The following KIAA1549L variants were observed in gnomAD, a reference collection of about 807,000 sequenced individuals.
The protein encoded by KIAA1549L is UPF0606 protein KIAA1549L.
A neutral mutation model predicts 160.7 loss-of-function variants in KIAA1549L; 88 were observed. That is an observed-to-expected ratio of 0.55 (90% CI 0.46 to 0.65). The LOEUF (loss-of-function observed/expected upper bound fraction) is 0.65. KIAA1549L is among the 30% of genes least tolerant of loss of function. KIAA1549L has a pLI of 0.00. For synonymous variants in KIAA1549L, 950 were observed against 976.7 expected, an observed-to-expected ratio of 0.97 and a Z score of 0.51; for missense variants, 2,258 against 2,437.5, an observed-to-expected ratio of 0.93 and a Z score of 1.55.
At chr11:33,630,609 G>A (rs1431789720) in intron 16 of KIAA1549L, among the ~76,000 whole-genome samples, 5 of 152,348 alleles carry the variant, frequency 3.3e-5, no homozygotes, top group African/African-American at 4.8e-5. Flanking sequence ...TGCGCTTCCC[G>A]AGTGAGGCAA....
At chr11:33,461,770 T>G (rs1851947156) in intron 1 of KIAA1549L, among the ~76,000 whole-genome samples, 1 of 152,216 alleles carries the variant, frequency 6.6e-6, no homozygotes, top group Non-Finnish European at 1.5e-5. Context: ...ACAGCAGCCC[T>G]GGGAGGTGTA....
At chr11:33,653,460 T>C (rs1851953928) in intron 17 of KIAA1549L, among the ~76,000 whole-genome samples, 1 of 152,244 alleles carries the variant, frequency 6.6e-6, no homozygotes, top group Non-Finnish European at 1.5e-5. Flanking sequence ...TTCTGGGTGC[T>C]AACGAGAAGC....
intron 1 of KIAA1549L, among the ~76,000 whole-genome samples, chr11:33,441,227 A>G (rs1454243153): frequency 2.0e-5 from 3 of 152,000 alleles, no homozygotes; most frequent in Admixed American, 6.6e-5. Flanking sequence ...AGCTTCATCC[A>G]TGTCCCTACA....
intron 16 of KIAA1549L, among the ~76,000 whole-genome samples, chr11:33,644,148 G>A (rs1161985805): frequency 6.6e-6 from 1 of 152,148 alleles, no homozygotes; most frequent in African/African-American, 2.4e-5. Flanking sequence ...TACTGTAGAT[G>A]TTTGTTGATA....
intron 1 of KIAA1549L, among the ~76,000 whole-genome samples, chr11:33,525,881 G>A (rs930281892): frequency 1.1e-4 from 16 of 152,032 alleles, no homozygotes; most frequent in African/African-American, 1.7e-4. Context: ...TGACACAGCA[G>A]AGGCAGCCAT....
At chr11:33,389,603 C>T (rs1017715109) in intron 1 of KIAA1549L, among the ~76,000 whole-genome samples, 5 of 152,168 alleles carry the variant, frequency 3.3e-5, no homozygotes, top group African/African-American at 4.8e-5. Context: ...GTGAACCCTA[C>T]GGAAACTGAA....
chr11:33,392,103 A>G (rs1025180217), intron 1 of KIAA1549L, among the ~76,000 whole-genome samples: 25 of 152,214 alleles, frequency 1.6e-4, no homozygotes, highest in African/African-American at 3.9e-4. Context: ...GTAAAAACCA[A>G]CTGGCCTAAG....
At chr11:33,519,710 A>G (rs1369552344) in intron 1 of KIAA1549L, among the ~76,000 whole-genome samples, 3 of 152,180 alleles carry the variant, frequency 2.0e-5, no homozygotes, top group Non-Finnish European at 2.9e-5. Flanking sequence ...AGAGGGGGGT[A>G]CATCAGAGAA....
intron 16 of KIAA1549L, among the ~76,000 whole-genome samples, chr11:33,619,976 G>C (rs1316318679): frequency 6.6e-6 from 1 of 152,166 alleles, no homozygotes; most frequent in Non-Finnish European, 1.5e-5. Flanking sequence ...ACCTGCTCAG[G>C]CATCTGAGAC....
intron 1 of KIAA1549L, among the ~76,000 whole-genome samples, chr11:33,435,838 G>GTGTA (rs1565136055): frequency 0.11 from 4,033 of 35,932 alleles, 1,046 homozygotes; most frequent in African/African-American, 0.33. Flanking sequence ...ATATGTATAT[G>GTGTA]TATATGTGTG....
At position 33,387,593 on chromosome 11, in the gene KIAA1549L, A is replaced by G. The variant is rs552205222; in HGVS notation, c.238+10704A>G. Among the ~76,000 whole-genome samples the G allele has an allele frequency of 1.1e-4, 17 of 152,018 alleles. 1 individual carries two copies. The highest frequency in any genetic ancestry group is 4.2e-4 in the South Asian group (2 of 4,818). ...AGTGCTGGGATTATAGGCATGAACT[A>G]TCATTCCTGGCCCATTTTCTCATTC... is the stretch of plus-strand genomic sequence containing the variant. On this transcript the variant is annotated intron_variant, in intron 1 of 20. Transcript: ENST00000658780.
intron 17 of KIAA1549L, among the ~76,000 whole-genome samples, chr11:33,654,651 A>C (rs374936249): frequency 6.6e-6 from 1 of 152,054 alleles, no homozygotes; most frequent in Non-Finnish European, 1.5e-5. Context: ...CTCTTCATCA[A>C]CTGTCAATAT....
intron 1 of KIAA1549L, among the ~76,000 whole-genome samples, chr11:33,530,112 G>T (rs1853704243): frequency 6.6e-6 from 1 of 151,784 alleles, no homozygotes; most frequent in Admixed American, 6.6e-5. Context: ...TGAAACCTTG[G>T]GGCCGGGCGC....
At chr11:33,509,321 G>T (rs1853170062) in intron 1 of KIAA1549L, among the ~76,000 whole-genome samples, 1 of 152,212 alleles carries the variant, frequency 6.6e-6, no homozygotes, top group Non-Finnish European at 1.5e-5. Context: ...CCTCTAGAGA[G>T]CCTTGTACTT....
chr11:33,576,438 C>A (rs553886882), intron 10 of KIAA1549L, among the ~76,000 whole-genome samples: 8 of 152,314 alleles, frequency 5.3e-5, no homozygotes, highest in African/African-American at 1.7e-4. Flanking sequence ...CCCTTCCCTC[C>A]CTGTGGGCTC....
intron 1 of KIAA1549L, among the ~76,000 whole-genome samples, chr11:33,407,346 T>C (rs187237605): frequency 8.0e-4 from 121 of 150,544 alleles, no homozygotes; most frequent in African/African-American, 2.6e-3. Context: ...GGCAGTCCTT[T>C]TTCTTTTTCT....
chr11:33,385,908 G>A (rs1189710300), intron 1 of KIAA1549L, among the ~76,000 whole-genome samples: 4 of 152,098 alleles, frequency 2.6e-5, no homozygotes, highest in South Asian at 2.1e-4. Flanking sequence ...CTTTGTTAGT[G>A]TATGGAAATA....
At chr11:33,658,559 G>C (rs911326295) in intron 18 of KIAA1549L, among the ~76,000 whole-genome samples, 191 bp from the exon 19 acceptor site, 1 of 152,168 alleles carries the variant, frequency 6.6e-6, no homozygotes, top group Non-Finnish European at 1.5e-5. Flanking sequence ...GCTGCTACAA[G>C]TCTGGGTGCC....
At chr11:33,547,931 G>T (rs1342442523) in intron 4 of KIAA1549L, 52 bp downstream of exon 4, 14 of 1,158,162 alleles carry the variant, frequency 1.2e-5, no homozygotes, top group Non-Finnish European at 1.8e-5. Flanking sequence ...TGGCTCTTGG[G>T]TCTAGAATAT....
Sources: allele counts gnomAD v4.1 joint callset (sites outside exome capture counted in the v4.1 genomes callset), GRCh38; gene constraint gnomAD v4.1.1; transcripts MANE v1.5; gene names NCBI Gene and HGNC (gene_info 2026-07-23, HGNC 2026-07-21).